The following RGS3 variants were observed in gnomAD, a reference collection of about 807,000 sequenced individuals.
The protein encoded by RGS3 is regulator of G-protein signalling 3.
In RGS3, 80 loss-of-function variants were observed where a neutral mutation model predicts 132.6. The observed-to-expected ratio is 0.60, with a 90% confidence interval of 0.50 to 0.73. The LOEUF is 0.73. RGS3 is among the 30% of genes least tolerant of loss of function. RGS3 has a pLI of 0.00. For synonymous variants in RGS3, 598 were observed against 620.6 expected (o/e 0.96, Z 0.54); for missense variants, 1,382 against 1,530.8 (o/e 0.90, Z 1.62).
chr9:113,583,886 C>T lies in RGS3; in HGVS notation c.2474C>T (p.Pro825Leu), dbSNP rs990173401. 5 of 1,613,946 alleles carry T rather than the reference C, an allele frequency of 3.1e-6. No individual in the cohort carries two copies. The African/African-American group carries it at 6.7e-5, about 22-fold the overall frequency. Residue 825 changes from proline to leucine, a missense_variant, in exon 20 of 25, where the codon CCA becomes CTA. Transcript: ENST00000350696. ...CTGCCTCCTAGCCAGGTCTCCCTGC[C>T]AGCCAAGGCCCTTACTGAGGACACC... is the stretch of plus-strand genomic sequence containing the variant.
intron 20 of RGS3, among the ~76,000 whole-genome samples, chr9:113,587,824 CG>C (rs1053664451): frequency 6.6e-6 from 1 of 152,216 alleles, no homozygotes; most frequent in Non-Finnish European, 1.5e-5. Context: ...CCCCACTCCC[CG>C]CCATGGTTCT....
exon 6 of RGS3, chr9:113,484,159 A>C: frequency 6.2e-7 from 1 of 1,610,932 alleles, no homozygotes; most frequent in Non-Finnish European, 8.5e-7. Context: ...CCCTGAAGAT[A>C]GTAGACTACG....
intron 3 of RGS3, chr9:113,478,737 A>G (rs1281458601): frequency 2.6e-5 from 4 of 152,206 alleles, no homozygotes; most frequent in Admixed American, 2.0e-4. Context: ...GCTTGAGCCC[A>G]GGAGGTTGAA....
At chr9:113,556,370 T>A (rs1047434825) in intron 19 of RGS3, among the ~76,000 whole-genome samples, 2 of 152,182 alleles carry the variant, frequency 1.3e-5, no homozygotes, top group African/African-American at 4.8e-5. Context: ...GTGTGTTCAA[T>A]CTCCTCTTTC....
chr9:113,499,709 AGCTGT>A (rs1156307854), intron 10 of RGS3, among the ~76,000 whole-genome samples: 2 of 152,136 alleles, frequency 1.3e-5, no homozygotes, highest in African/African-American at 4.8e-5. Context: ...AGCAGTCTAG[AGCTGT>A]GCTGGCCAGT....
intron 1 of RGS3, among the ~76,000 whole-genome samples, chr9:113,445,921 C>T (rs1190414943): frequency 8.5e-5 from 13 of 152,098 alleles, no homozygotes; most frequent in Non-Finnish European, 1.3e-4. Context: ...TCAAGTAATC[C>T]GCCCACCTTG....
At chr9:113,557,813 C>T (rs1050916960) in intron 19 of RGS3, among the ~76,000 whole-genome samples, 1 of 149,486 alleles carries the variant, frequency 6.7e-6, no homozygotes, top group African/African-American at 2.5e-5. Flanking sequence ...AAGGATTGTT[C>T]TAGGTGGGGA....
At position 113,508,548 on chromosome 9, in the gene RGS3, G is replaced by A. The variant is rs774220667; in HGVS notation, c.1445G>A (p.Arg482Gln). 6.2e-6 allele frequency: 10 copies of A among 1,612,472 alleles called. No homozygotes were observed. The highest frequency in any genetic ancestry group is 4.0e-5 in the African/African-American group (3 of 74,860). ...CCTGTCTTTCCCTTGCAGCTGCTCC[G>A]GCCTGTGTACCAGGAGGATACCATC... The change falls in exon 14 of 25, where the codon CGG becomes CAG. Residue 482 changes from arginine (R) to glutamine (Q), a missense_variant. Transcript: ENST00000350696.
exon 4 of RGS3, chr9:113,479,511 G>A: frequency 1.9e-6 from 3 of 1,614,254 alleles, no homozygotes; most frequent in African/African-American, 1.3e-5. Flanking sequence ...GCTGTCCATT[G>A]ATGCCCAGGA....
At chr9:113,453,033 AAT>A (rs533813905) in intron 1 of RGS3, among the ~76,000 whole-genome samples, 145 of 132,308 alleles carry the variant, frequency 1.1e-3, no homozygotes, top group African/African-American at 3.0e-3. Flanking sequence ...TATAATATAT[AAT>A]ATATATAATA....
intron 19 of RGS3, among the ~76,000 whole-genome samples, chr9:113,564,209 A>G (rs898783889): frequency 6.7e-6 from 1 of 149,000 alleles, no homozygotes; most frequent in Non-Finnish European, 1.5e-5. Flanking sequence ...AGTCCTGGCT[A>G]TACAGACAAC....
chr9:113,519,894 C>T (rs1253742947), intron 16 of RGS3, among the ~76,000 whole-genome samples: 2 of 152,166 alleles, frequency 1.3e-5, no homozygotes, highest in Non-Finnish European at 2.9e-5. Context: ...TTAATGTGCC[C>T]TGAGGTCTAT....
intron 19 of RGS3, among the ~76,000 whole-genome samples, chr9:113,543,604 TGACATTAAGGGGAATGTGAGGCACAGGA>T (rs1302189403): frequency 6.6e-6 from 1 of 152,190 alleles, no homozygotes; most frequent in Non-Finnish European, 1.5e-5. Context: ...CCTTACAAAA[TGACATTAAGGGGAATGTGAGGCACAGGA>T]GACTCGCCTG....
rs1835413698 is a variant in RGS3, at chr9:113,591,352, T to C, written c.3035T>C (p.Val1012Ala). ...CCGCAGATGAGCGGGGCTGACACCGTTGGGGATGATGACGAAGCCTCCCGG... is the reference window on the plus strand; with the variant it reads ...CCGCAGATGAGCGGGGCTGACACCGCTGGGGATGATGACGAAGCCTCCCGG... Residue 1012 changes from valine to alanine, a missense_variant, in exon 21 of 25, where the codon GTT (valine) becomes GCT (alanine). Transcript: ENST00000350696. The surrounding 1 kb of genome is among the most constrained non-coding windows in gnomAD (Gnocchi z 4.4). The C allele has an allele frequency of 1.2e-6, 2 of 1,613,638 alleles. No individual in the cohort carries two copies. Among genetic ancestry groups the C allele is most frequent in the Admixed American group, 1.7e-5 (1 of 60,030 alleles).
exon 20 of RGS3, chr9:113,584,276 G>T: frequency 6.2e-7 from 1 of 1,611,810 alleles, no homozygotes; most frequent in Non-Finnish European, 8.5e-7. Flanking sequence ...CGAGGGCCCT[G>T]CTTTGCCTCC....
At chr9:113,450,652 G>T (rs564765485) in intron 1 of RGS3, among the ~76,000 whole-genome samples, 1 of 152,102 alleles carries the variant, frequency 6.6e-6, no homozygotes, top group Non-Finnish European at 1.5e-5. Flanking sequence ...AGCAATAGGC[G>T]TGCATGAGCT....
At chr9:113,576,159 C>T (rs1489762022) in intron 19 of RGS3, among the ~76,000 whole-genome samples, 1 of 151,424 alleles carries the variant, frequency 6.6e-6, no homozygotes, top group Non-Finnish European at 1.5e-5. Context: ...GAGATCACGC[C>T]ACTGCACTCC....
chr9:113,486,882 C>T (rs934416335), intron 7 of RGS3, among the ~76,000 whole-genome samples: 9 of 152,122 alleles, frequency 5.9e-5, no homozygotes, highest in Non-Finnish European at 1.3e-4. Flanking sequence ...GTACAATAAA[C>T]CTCATTCATT....
At chr9:113,536,484 C>G (rs770539121) in intron 18 of RGS3, 2 of 1,048,908 alleles carry the variant, frequency 1.9e-6, no homozygotes, top group Non-Finnish European at 2.3e-6. Context: ...TTTGTGCTGC[C>G]TGCCCCTGGG....
Sources: allele counts gnomAD v4.1 joint callset (sites outside exome capture counted in the v4.1 genomes callset), GRCh38; gene constraint gnomAD v4.1.1; non-coding constraint Gnocchi (gnomAD v3.1); transcripts MANE v1.5; gene names NCBI Gene and HGNC (gene_info 2026-07-23, HGNC 2026-07-21).